Variants in ESRRG observed in about 807,000 individuals in gnomAD.
ESRRG encodes estrogen-related receptor gamma.
In ESRRG, 13 loss-of-function variants were observed where a neutral mutation model predicts 44.0. The ratio of observed to expected loss-of-function variants is 0.30; its 90% confidence interval spans 0.19 to 0.47. ESRRG has a LOEUF of 0.47. ESRRG is among the 20% of genes least tolerant of loss of function. The probability of loss-of-function intolerance (pLI) is 1.00; values close to 1 mark genes in which losing one functional copy is unlikely to be tolerated. For missense variants in ESRRG, 395 were observed against 580.6 expected (o/e 0.68, Z 3.29); for synonymous variants, 215 against 214.6 (o/e 1.00, Z -0.02).
chr1:216,954,748 A>T (rs1028944274), intron 1 of ESRRG, among the ~76,000 whole-genome samples: 13 of 152,128 alleles, frequency 8.5e-5, no homozygotes, highest in African/African-American at 3.1e-4. Context: ...ATGTTTCTTC[A>T]ATTAAGACAC....
intron 1 of ESRRG, among the ~76,000 whole-genome samples, chr1:216,989,450 A>ACAC (rs2075358429): frequency 7.0e-6 from 1 of 142,554 alleles, no homozygotes; most frequent in Non-Finnish European, 1.5e-5. Context: ...AAAAAAAAAA[A>ACAC]CACAGTGGGA....
intron 1 of ESRRG, among the ~76,000 whole-genome samples, chr1:217,016,558 C>T (rs564535108): frequency 6.6e-6 from 1 of 152,084 alleles, no homozygotes; most frequent in Non-Finnish European, 1.5e-5. Context: ...CATCATCATC[C>T]TCATCATCAT....
chr1:217,015,731 ATTT>A (rs11347206), intron 1 of ESRRG, among the ~76,000 whole-genome samples: 2 of 142,132 alleles, frequency 1.4e-5, no homozygotes, highest in African/African-American at 2.6e-5. Context: ...GGGCAGCTAG[ATTT>A]TTTTTTTTTT....
chr1:216,988,168 G>C (rs1357795223), intron 1 of ESRRG, among the ~76,000 whole-genome samples: 2 of 152,124 alleles, frequency 1.3e-5, no homozygotes, highest in African/African-American at 2.4e-5. Context: ...TTGGAAGAAA[G>C]TAAAGGTACA....
chr1:216,525,404 T>A (rs79101638), intron 5 of ESRRG, among the ~76,000 whole-genome samples: 5,320 of 152,220 alleles, frequency 0.035, 125 homozygotes, highest in African/African-American at 0.064. Flanking sequence ...TCCCTTAGCT[T>A]TTCCCAAACT....
chr1:216,959,632 A>G (rs1466961717), intron 1 of ESRRG: 1 of 152,118 alleles, frequency 6.6e-6, no homozygotes, highest in Non-Finnish European at 1.5e-5. Flanking sequence ...GGCAGGAGTA[A>G]GCTCTGATTG....
chr1:217,040,707 C>A (rs535553417), intron 1 of ESRRG, among the ~76,000 whole-genome samples: 3 of 152,060 alleles, frequency 2.0e-5, no homozygotes, highest in Non-Finnish European at 4.4e-5. Flanking sequence ...TATGAGAAAA[C>A]TGAATTAAGG....
chr1:216,973,472 C>G (rs189885984), intron 1 of ESRRG, among the ~76,000 whole-genome samples: 1 of 152,148 alleles, frequency 6.6e-6, no homozygotes, highest in Non-Finnish European at 1.5e-5. Context: ...GTTGTCAGGT[C>G]GCTGCTGTTG....
intron 2 of ESRRG, among the ~76,000 whole-genome samples, chr1:216,815,047 G>A (rs1024841176): frequency 2.6e-5 from 4 of 152,118 alleles, no homozygotes; most frequent in Middle Eastern, 3.2e-3. Context: ...AGGGCTTGAC[G>A]CAGGGAAGAA....
chr1:216,563,947 A>G (rs1282537909), intron 5 of ESRRG, among the ~76,000 whole-genome samples: 1 of 152,222 alleles, frequency 6.6e-6, no homozygotes, highest in African/African-American at 2.4e-5. Flanking sequence ...AGGATAAAGA[A>G]ATGTTTTAAA....
chr1:216,983,031 GT>G (rs9308379), intron 1 of ESRRG, among the ~76,000 whole-genome samples: 8,550 of 132,854 alleles, frequency 0.064, 503 homozygotes, highest in African/African-American at 0.18. Context: ...ACTTTGAACT[GT>G]TTTTTTTTTT....
chr1:216,587,233 A>G (rs2056828895), intron 3 of ESRRG, among the ~76,000 whole-genome samples: 1 of 152,196 alleles, frequency 6.6e-6, no homozygotes, highest in South Asian at 2.1e-4. Flanking sequence ...CCAAAATGGA[A>G]TTACATCTGA....
At chr1:216,534,621 T>C (rs910507591) in intron 5 of ESRRG, among the ~76,000 whole-genome samples, 2 of 152,176 alleles carry the variant, frequency 1.3e-5, no homozygotes, top group African/African-American at 4.8e-5. Flanking sequence ...CATTTTGGAA[T>C]GTAGGAGTTC....
At chr1:217,002,228 G>T (rs1164972678) in intron 1 of ESRRG, among the ~76,000 whole-genome samples, 1 of 150,074 alleles carries the variant, frequency 6.7e-6, no homozygotes, top group Non-Finnish European at 1.5e-5. Context: ...CTTGAACCCA[G>T]GAGGCAGAGC....
At chr1:216,841,217 G>T (rs1284388692) in intron 2 of ESRRG, among the ~76,000 whole-genome samples, 1 of 151,972 alleles carries the variant, frequency 6.6e-6, no homozygotes, top group Non-Finnish European at 1.5e-5. Flanking sequence ...TGGGGAGGGA[G>T]TGAGAGAGAA....
At chr1:216,732,227 T>C (rs887497732) in intron 2 of ESRRG, among the ~76,000 whole-genome samples, 1 of 152,162 alleles carries the variant, frequency 6.6e-6, no homozygotes, top group Non-Finnish European at 1.5e-5. Context: ...CGTGCTCCTT[T>C]TGTTCCTCAC....
At chr1:216,774,967 ATT>A (rs1186235039) in intron 2 of ESRRG, among the ~76,000 whole-genome samples, 2 of 142,062 alleles carry the variant, frequency 1.4e-5, no homozygotes, top group African/African-American at 2.6e-5. Context: ...ATGCTCGGCT[ATT>A]TTTTTTTTTT....
chr1:217,134,696 T>C (rs1026483627), intron 1 of ESRRG, among the ~76,000 whole-genome samples: 18 of 152,344 alleles, frequency 1.2e-4, no homozygotes, highest in Non-Finnish European at 1.3e-4. Context: ...CGCACAGCTC[T>C]TCCCCGCGTG....
At chr1:217,113,611 A>T (rs1245571605) in intron 1 of ESRRG, among the ~76,000 whole-genome samples, 2 of 110,512 alleles carry the variant, frequency 1.8e-5, no homozygotes, top group African/African-American at 5.2e-5. Context: ...ACCATTTTTC[A>T]CTTGGGAAGA....
Sources: allele counts gnomAD v4.1 joint callset (sites outside exome capture counted in the v4.1 genomes callset), GRCh38; gene constraint gnomAD v4.1.1; transcripts MANE v1.5; gene names NCBI Gene and HGNC (gene_info 2026-07-23, HGNC 2026-07-21).